The following SERTAD4 variants were observed in gnomAD, a reference collection of about 807,000 sequenced individuals.
SERTAD4 encodes SERTA domain-containing protein 4.
A neutral mutation model predicts 32.9 loss-of-function variants in SERTAD4; 18 were observed. The ratio of observed to expected loss-of-function variants is 0.55; its 90% confidence interval spans 0.38 to 0.81. SERTAD4 has a LOEUF of 0.81. Ranked by LOEUF, SERTAD4 falls within the 30% of genes least tolerant of loss-of-function variation. SERTAD4 has a pLI of 0.00. For synonymous variants in SERTAD4, 150 were observed against 156.4 expected (o/e 0.96, Z 0.30); for missense variants, 383 against 426.0 (o/e 0.90, Z 0.89).
intron 1 of SERTAD4, chr1:210,233,918 C>T (rs2083912957): frequency 2.3e-6 from 1 of 435,436 alleles, no homozygotes; most frequent in Non-Finnish European, 4.6e-6. Context: ...AGAGCCCTGC[C>T]AGCCGCTGTG....
At position 210,241,603 on chromosome 1, in the gene SERTAD4, T is replaced by C; in HGVS notation, c.337T>C (p.Leu113=). 5 of 1,610,472 alleles carry C rather than the reference T, an allele frequency of 3.1e-6. No homozygotes were observed. Among genetic ancestry groups the C allele is most frequent in the Non-Finnish European group, 4.2e-6 (5 of 1,178,670 alleles). Residue 113 remains leucine (L), a synonymous_variant, in exon 4 of 4, where the codon TTA becomes CTA. Coordinates refer to ENST00000367012, the MANE Select transcript of SERTAD4 (RefSeq NM_019605.5). ...EERAHILYMS[L]EKLKFIDDPE... is the part of the protein sequence containing the mutation. ...ACGAGCCCACATCCTTTATATGTCC[T>C]TAGAAAAGCTAAAGTTTATCGATGA... is the stretch of plus-strand genomic sequence containing the variant.
chr1:210,235,280 C>T (rs1469156070), intron 1 of SERTAD4, among the ~76,000 whole-genome samples: 1 of 152,184 alleles, frequency 6.6e-6, no homozygotes, highest in Non-Finnish European at 1.5e-5. Context: ...ACATATAATA[C>T]GAAGAAAGAT....
chr1:210,241,980 G>A lies in SERTAD4; in HGVS notation c.714G>A (p.Pro238=), dbSNP rs765164838. The A allele has an allele frequency of 2.1e-5, 34 of 1,613,834 alleles. No individual in the cohort carries two copies. Among genetic ancestry groups the A allele is most frequent in the African/African-American group, 2.7e-5 (2 of 74,928 alleles). Residue 238 remains proline (P), a synonymous_variant, in exon 4 of 4, where the codon CCG becomes CCA. Transcript: ENST00000367012. ...CTTCCTCTCCCCCTTTGCCTTTACC[G>A]AGTTGTTCCCGCCAGGTGGATTTTG... ...SSSSSPPLPL[P]SCSRQVDFDV...
Position 210,245,071 on chromosome 1 carries a change from A to G in SERTAD4, c.*2734A>G, listed in dbSNP as rs1051524420. 6.6e-6 allele frequency: 1 copy of G among 152,156 alleles called. No homozygotes were observed. The highest frequency in any genetic ancestry group is 1.5e-5 in the Non-Finnish European group (1 of 68,036). The allele number at this position is 152,156 out of a possible 1,614,324, so 9.4% of individuals were successfully genotyped here. On this transcript the variant is annotated 3_prime_UTR_variant, in exon 4 of 4. Coordinates refer to ENST00000367012, the MANE Select transcript of SERTAD4 (RefSeq NM_019605.5). ...ATTAGATTTTCCTAGAGTGGCCAGG[A>G]CACCCTTCATAGTAAGTTATATCTC...
At position 210,245,439 on chromosome 1, in the gene SERTAD4, A is replaced by G. The variant is rs1471601239; in HGVS notation, c.*3102A>G. ...GGCAAAGGGATTTTCAAAGGGCAAA[A>G]GTCTCATCATCATCTTTCCACTCAA... is the stretch of plus-strand genomic sequence containing the variant. On this transcript the variant is annotated 3_prime_UTR_variant, in exon 4 of 4. Coordinates refer to ENST00000367012, the MANE Select transcript of SERTAD4 (RefSeq NM_019605.5). 1.3e-5 allele frequency: 2 copies of G among 152,166 alleles called. No homozygotes were observed. The highest frequency in any genetic ancestry group is 2.9e-5 in the Non-Finnish European group (2 of 68,034). 9.4% of individuals were successfully genotyped at this position (152,166 alleles called of 1,614,324 possible). A position where few individuals can be genotyped will look rare whatever the true frequency, so the allele number is the denominator to read the frequency against.
intron 2 of SERTAD4, among the ~76,000 whole-genome samples, chr1:210,238,904 T>C (rs1310761582): frequency 2.0e-5 from 3 of 152,158 alleles, no homozygotes; most frequent in Non-Finnish European, 2.9e-5. Flanking sequence ...TTAAAAACTG[T>C]GGTCTTCATG....
chr1:210,239,376 T>G (rs1316267650), intron 2 of SERTAD4, 117 bp from the exon 3 acceptor site: 2 of 696,622 alleles, frequency 2.9e-6, no homozygotes, highest in Non-Finnish European at 5.2e-6. Flanking sequence ...AATCACCACA[T>G]GTACAGACAA....
At chr1:210,235,181 A>G (rs2083929032) in intron 1 of SERTAD4, among the ~76,000 whole-genome samples, 1 of 152,252 alleles carries the variant, frequency 6.6e-6, no homozygotes, top group Non-Finnish European at 1.5e-5. Flanking sequence ...TAATATTAAT[A>G]GAACACGAAT....
chr1:210,233,772 T>G (rs1222965509), intron 1 of SERTAD4: 2 of 470,922 alleles, frequency 4.2e-6, no homozygotes, highest in Non-Finnish European at 8.8e-6. Context: ...ATAGGCGTCC[T>G]CGCCGCCAGG....
chr1:210,241,555 TAG>T lies in SERTAD4; in HGVS notation c.292-1_292del. 1.3e-6 allele frequency: 2 copies of T among 1,532,058 alleles called. No individual in the cohort carries two copies. Among genetic ancestry groups the T allele is most frequent in the South Asian group, 2.7e-5 (2 of 74,756 alleles). The allele number at this position is 1,532,058 out of a possible 1,614,324, so 94.9% of individuals were successfully genotyped here. A position where few individuals can be genotyped will look rare whatever the true frequency, so the allele number is the denominator to read the frequency against. ...TTTTCTTTTTTTTTTTTTTGGTTTG[TAG>T]ACCATCTCAATTTTTGAGGAACGAG... On this transcript the variant is annotated splice_acceptor_variant, in intron 3 of 3. Transcript: ENST00000367012. LOFTEE classifies it high-confidence loss of function.
chr1:210,235,147 A>G (rs565067081), intron 1 of SERTAD4, among the ~76,000 whole-genome samples: 110 of 152,328 alleles, frequency 7.2e-4, no homozygotes, highest in Middle Eastern at 3.4e-3. Flanking sequence ...AAATTTTGCC[A>G]TAATGTATAT....
chr1:210,233,938 C>G (rs1040914538), intron 1 of SERTAD4: 7 of 424,498 alleles, frequency 1.6e-5, no homozygotes, highest in African/African-American at 4.3e-5. Context: ...GAGTCATTTC[C>G]TTGGAATCCT....
chr1:210,242,846 A>G lies in SERTAD4; in HGVS notation c.*509A>G. On this transcript the variant is annotated 3_prime_UTR_variant, in exon 4 of 4. Transcript: ENST00000367012. This position sits in a 1 kb window ranked among gnomAD's most constrained non-coding sequence, Gnocchi z 4.0. ...ATGGTGCTGTTAAGTATTTGTACCT[A>G]ACAGTCTTGTGTGACAGATGAAAAT... The G allele has an allele frequency of 1.0e-6, 1 of 986,648 alleles. No homozygotes were observed. The highest frequency in any genetic ancestry group is 1.2e-6 in the Non-Finnish European group (1 of 830,598). The allele number at this position is 986,648 out of a possible 1,614,324, so 61.1% of individuals were successfully genotyped here. A position where few individuals can be genotyped will look rare whatever the true frequency, so the allele number is the denominator to read the frequency against.
rs898721135 is a variant in SERTAD4, at chr1:210,241,698, C to A, written c.432C>A (p.Ile144=). 33 of 1,613,950 alleles carry A rather than the reference C, an allele frequency of 2.0e-5. No individual in the cohort carries two copies. The highest frequency in any genetic ancestry group is 2.7e-5 in the African/African-American group (2 of 74,866). The part of the protein sequence containing the change: ...NLMKRIHGEI[I]MQNNWCFPAC... ...TGAAAAGGATCCATGGAGAAATTAT[C>A]ATGCAGAATAACTGGTGCTTCCCTG... The change falls in exon 4 of 4, where the codon ATC becomes ATA. Residue 144 remains isoleucine (I), a synonymous_variant. Transcript: ENST00000367012.
chr1:210,239,651 A>T (rs758698359), intron 3 of SERTAD4, 43 bp downstream of exon 3: 1 of 1,142,736 alleles, frequency 8.8e-7, no homozygotes, highest in Non-Finnish European at 1.3e-6. Flanking sequence ...AGAGTTTAAG[A>T]TACTTAGTAA....
Position 210,238,092 on chromosome 1 carries a change from A to G in SERTAD4, c.132A>G (p.Gln44=). 2 of 1,612,960 alleles carry G rather than the reference A, an allele frequency of 1.2e-6. No homozygotes were observed. The highest frequency in any genetic ancestry group is 1.7e-6 in the Non-Finnish European group (2 of 1,179,686). The change falls in exon 2 of 4, where the codon CAA becomes CAG. Residue 44 remains glutamine (Q), a synonymous_variant. Transcript: ENST00000367012. ...GCCCAAGCCCCCCAGGGCCAGCACA[A>G]GCTCCTTTGCAGGGAGACCGGGGAG... The part of the protein sequence containing the change: ...YGGPSPPGPA[Q]APLQGDRGAG...
intron 1 of SERTAD4, among the ~76,000 whole-genome samples, chr1:210,234,430 G>A (rs55961233): frequency 0.056 from 8,540 of 152,234 alleles, 810 homozygotes; most frequent in African/African-American, 0.19. Flanking sequence ...GCTGAGAAAT[G>A]TACTTCCCAG....
At chr1:210,234,113 G>A (rs2083916435) in intron 1 of SERTAD4, 1 of 265,502 alleles carries the variant, frequency 3.8e-6, no homozygotes, top group African/African-American at 2.4e-5. Flanking sequence ...TTGGGGTGTT[G>A]TTTACTTTCT....
chr1:210,237,761 T>C (rs1276898587), intron 1 of SERTAD4, among the ~76,000 whole-genome samples, 183 bp from the exon 2 acceptor site: 1 of 152,130 alleles, frequency 6.6e-6, no homozygotes, highest in Non-Finnish European at 1.5e-5. Flanking sequence ...GCTGAGCTAA[T>C]AGCAGCTAGA....
Sources: allele counts gnomAD v4.1 joint callset (sites outside exome capture counted in the v4.1 genomes callset), GRCh38; gene constraint gnomAD v4.1.1; non-coding constraint Gnocchi (gnomAD v3.1); transcripts MANE v1.5; gene names NCBI Gene and HGNC (gene_info 2026-07-23, HGNC 2026-07-21).